Variants in ADAM18 observed in about 807,000 individuals in gnomAD.
ADAM18 encodes the protein ADAM metallopeptidase domain 18, also known as disintegrin and metalloproteinase domain-containing protein 18.
A neutral mutation model predicts 94.4 loss-of-function variants in ADAM18; 117 were observed. The ratio of observed to expected loss-of-function variants is 1.24; its 90% CI spans 1.07 to 1.45. ADAM18 has a LOEUF of 1.45. Ranked by LOEUF, ADAM18 falls within the 40% of genes most tolerant of loss-of-function variation. The pLI is 0.00. For missense variants in ADAM18, 936 were observed against 880.0 expected, an observed-to-expected ratio of 1.06 and a Z score of -0.81; for synonymous variants, 327 against 291.6, an observed-to-expected ratio of 1.12 and a Z score of -1.24.
At chr8:39,641,019 TTTAA>T (rs1201433711) in intron 10 of ADAM18, among the ~76,000 whole-genome samples, 8 of 152,290 alleles carry the variant, frequency 5.3e-5, no homozygotes, top group African/African-American at 1.9e-4. Flanking sequence ...AGTTCTTTAG[TTTAA>T]TTAGTCAATT....
chr8:39,697,816 C>T (rs893084026), intron 17 of ADAM18, among the ~76,000 whole-genome samples: 8 of 151,694 alleles, frequency 5.3e-5, no homozygotes, highest in African/African-American at 1.9e-4. Flanking sequence ...ATGATCTCTT[C>T]TGAGAAGTCA....
At chr8:39,673,323 T>A (rs1413136910) in intron 14 of ADAM18, among the ~76,000 whole-genome samples, 1 of 152,102 alleles carries the variant, frequency 6.6e-6, no homozygotes, top group Non-Finnish European at 1.5e-5. Context: ...ATTATTATTA[T>A]TATTATTTAT....
intron 6 of ADAM18, among the ~76,000 whole-genome samples, chr8:39,621,971 G>C (rs1286581547): frequency 2.0e-5 from 3 of 152,094 alleles, no homozygotes; most frequent in African/African-American, 7.2e-5. Context: ...AAAGCTAATG[G>C]ATGCTGGCCT....
chr8:39,676,754 G>A (rs1243333539), intron 14 of ADAM18, among the ~76,000 whole-genome samples: 2 of 152,198 alleles, frequency 1.3e-5, no homozygotes, highest in Admixed American at 1.3e-4. Flanking sequence ...GCAGACTGGA[G>A]TTGTTCCTAT....
At chr8:39,643,592 G>A (rs1043580737) in intron 10 of ADAM18, among the ~76,000 whole-genome samples, 2 of 152,046 alleles carry the variant, frequency 1.3e-5, no homozygotes, top group Non-Finnish European at 2.9e-5. Flanking sequence ...GGATAAAATA[G>A]AGTTCTGAAA....
chr8:39,695,787 A>C (rs974351095), intron 17 of ADAM18, among the ~76,000 whole-genome samples: 3 of 151,394 alleles, frequency 2.0e-5, no homozygotes, highest in Non-Finnish European at 3.0e-5. Flanking sequence ...GCTGAAAACT[A>C]TATCATTGTA....
Position 39,611,443 on chromosome 8 carries a change from G to A in ADAM18, c.522+737G>A, listed in dbSNP as rs139865324. 1,104 of 983,908 alleles carry A rather than the reference G, an allele frequency of 1.1e-3. 8 individuals are homozygous for A. In the African/African-American group the frequency reaches 0.018, roughly 16 times the overall value. The allele number at this position is 983,908 out of a possible 1,614,324, so 60.9% of individuals were successfully genotyped here. On this transcript the variant is annotated intron_variant, in intron 6 of 19. Coordinates refer to ENST00000265707, the MANE Select transcript of ADAM18 (RefSeq NM_014237.3). The stretch of plus-strand genomic sequence containing the variant: ...ATCCTGAAAAAAAAAATCCCATGAA[G>A]CTATGAAACCAACTATCTGTATGGT...
At chr8:39,609,593 G>T in intron 5 of ADAM18, 32 bp downstream of exon 5, 1 of 1,477,322 alleles carries the variant, frequency 6.8e-7, no homozygotes, top group Non-Finnish European at 9.4e-7. Context: ...TCTATAGATG[G>T]AGAACTTAAG....
At position 39,649,331 on chromosome 8, in the gene ADAM18, A is replaced by G. The variant is rs571647589; in HGVS notation, c.1230+804A>G. ...TATATGTGTATATACACACACATAT[A>G]TCACACTTAAATGTATGTTGTACAT... On this transcript the variant is annotated intron_variant, in intron 12 of 19. Coordinates refer to ENST00000265707, the MANE Select transcript of ADAM18 (RefSeq NM_014237.3). 4.6e-5 allele frequency among the ~76,000 whole-genome samples: 7 copies of G among 152,134 alleles called. No homozygotes were observed. In the South Asian group the frequency reaches 1.2e-3, roughly 27 times the overall value.
At chr8:39,649,981 A>G (rs1388324834) in intron 12 of ADAM18, among the ~76,000 whole-genome samples, 4 of 152,216 alleles carry the variant, frequency 2.6e-5, no homozygotes, top group Non-Finnish European at 5.9e-5. Flanking sequence ...CTTTTGTGCT[A>G]TAATAGCAGA....
rs769315288 is a variant in ADAM18 at position 39,723,907 on chromosome 8, G to C, written c.2177G>C (p.Arg726Pro). The change falls in exon 19 of 20, where the codon CGT becomes CCT. Residue 726 changes from arginine (R) to proline (P), a missense_variant and splice_region_variant. Physicochemically the swap from Arg to Pro is moderately radical, Grantham distance 103. Coordinates refer to ENST00000265707, the MANE Select transcript of ADAM18 (RefSeq NM_014237.3). ...SCNRENAEYNRNSSVVSESDD... is the reference protein window; with the variant it reads ...SCNRENAEYNPNSSVVSESDD... ...AACAGAGAGAATGCAGAGTATAATC[G>C]GTAAATATGATATAGAATCAATGTA... 5 of 1,486,814 alleles carry C rather than the reference G, an allele frequency of 3.4e-6. No homozygotes were observed. Among genetic ancestry groups the C allele is most frequent in the South Asian group, 1.4e-5 (1 of 73,230 alleles). The allele number at this position is 1,486,814 out of a possible 1,614,324, so 92.1% of individuals were successfully genotyped here.
chr8:39,610,901 A>G, intron 6 of ADAM18, 195 bp downstream of exon 6: 2 of 1,233,564 alleles, frequency 1.6e-6, no homozygotes, highest in Non-Finnish European at 2.1e-6. Context: ...ATATTTTATG[A>G]TGTATTATGT....
At chr8:39,594,484 G>A (rs541089456) in intron 2 of ADAM18, among the ~76,000 whole-genome samples, 95 of 151,820 alleles carry the variant, frequency 6.3e-4, no homozygotes, top group African/African-American at 2.0e-3. Flanking sequence ...TTATTTAGTC[G>A]TTTTCTTAGT....
intron 16 of ADAM18, among the ~76,000 whole-genome samples, chr8:39,681,520 G>C (rs575830718): frequency 5.3e-5 from 8 of 152,300 alleles, no homozygotes; most frequent in African/African-American, 1.4e-4. Context: ...TAATTTTGAT[G>C]ATAATTTGTT....
At chr8:39,676,684 A>G (rs1001847135) in intron 14 of ADAM18, among the ~76,000 whole-genome samples, 1 of 152,230 alleles carries the variant, frequency 6.6e-6, no homozygotes, top group Non-Finnish European at 1.5e-5. Context: ...GAGATGAACC[A>G]GGTACCTCAG....
chr8:39,645,514 A>C, intron 11 of ADAM18, 40 bp downstream of exon 11: 1 of 1,559,168 alleles, frequency 6.4e-7, no homozygotes, highest in Non-Finnish European at 8.7e-7. Flanking sequence ...ATATTTTTAT[A>C]AGGTTGTTTC....
At chr8:39,675,946 C>CA (rs1160110919) in intron 14 of ADAM18, among the ~76,000 whole-genome samples, 1 of 152,218 alleles carries the variant, frequency 6.6e-6, no homozygotes, top group Admixed American at 6.5e-5. Context: ...CCCTGGGTAT[C>CA]ACCAGTGGAG....
intron 12 of ADAM18, among the ~76,000 whole-genome samples, chr8:39,661,291 T>C (rs1013896860): frequency 2.0e-5 from 3 of 147,442 alleles, no homozygotes; most frequent in Non-Finnish European, 3.0e-5. Context: ...TAGCTGGGAC[T>C]ACAGGCGCCC....
At chr8:39,700,750 C>G (rs966208251) in intron 17 of ADAM18, among the ~76,000 whole-genome samples, 6 of 151,820 alleles carry the variant, frequency 4.0e-5, no homozygotes, top group East Asian at 3.9e-4. Context: ...AATTTTTGCT[C>G]AAAACTAATA....
Sources: allele counts gnomAD v4.1 joint callset (sites outside exome capture counted in the v4.1 genomes callset), GRCh38; gene constraint gnomAD v4.1.1; transcripts MANE v1.5; gene names NCBI Gene and HGNC (gene_info 2026-07-23, HGNC 2026-07-21).